Variants in CCDC102B observed in about 807,000 individuals in gnomAD.
The protein encoded by CCDC102B is coiled-coil domain-containing protein 102B.
CCDC102B carries 75 observed loss-of-function variants against 57.4 expected under a neutral mutation model. The ratio of observed to expected loss-of-function variants is 1.31; its 90% CI spans 1.08 to 1.58. The LOEUF is 1.58. Ranked by LOEUF, CCDC102B falls within the 40% of genes most tolerant of loss-of-function variation. The pLI, the probability that CCDC102B is intolerant of heterozygous loss-of-function variation, is 0.00. For synonymous variants in CCDC102B, 206 were observed against 201.9 expected (o/e 1.02, Z -0.17); for missense variants, 636 against 582.6 (o/e 1.09, Z -0.94).
At position 68,837,085 on chromosome 18, in the gene CCDC102B, A is replaced by G; in HGVS notation, c.322A>G (p.Lys108Glu). The G allele has an allele frequency of 6.2e-7, 1 of 1,614,202 alleles. No individual in the cohort carries two copies. Among genetic ancestry groups the G allele is most frequent in the Non-Finnish European group, 8.5e-7 (1 of 1,180,036 alleles). ...TGCCAACTGGAGAGAAAAATGGAGT[A>G]AAGTTCGAGCTGAAAGGAACAGTGC... ...CTANWREKWS[K>E]VRAERNSARE... Residue 108 changes from lysine (K) to glutamate (E), a missense_variant, in exon 2 of 8, where the codon AAA becomes GAA. Coordinates refer to ENST00000360242, the MANE Select transcript of CCDC102B (RefSeq NM_024781.3).
intron 3 of CCDC102B, among the ~76,000 whole-genome samples, chr18:68,844,887 T>C (rs1041359128): frequency 6.6e-6 from 1 of 151,930 alleles, no homozygotes; most frequent in Non-Finnish European, 1.5e-5. Context: ...ATTATAAACA[T>C]TCATATTCAG....
chr18:68,958,115 A>T (rs1356034102), intron 6 of CCDC102B, among the ~76,000 whole-genome samples: 1 of 152,138 alleles, frequency 6.6e-6, no homozygotes, highest in Non-Finnish European at 1.5e-5. Flanking sequence ...TTTTTAAACT[A>T]TCAGGTCTTG....
chr18:68,861,258 A>C (rs951127527), intron 4 of CCDC102B, among the ~76,000 whole-genome samples: 1 of 150,828 alleles, frequency 6.6e-6, no homozygotes, highest in Non-Finnish European at 1.5e-5. Flanking sequence ...TACCGTGCTT[A>C]TTTTATCACT....
At chr18:68,788,245 C>A (rs1001509055) in intron 2 of CCDC102B, among the ~76,000 whole-genome samples, 1 of 152,032 alleles carries the variant, frequency 6.6e-6, no homozygotes, top group Admixed American at 6.6e-5. Context: ...AGCTTTACTT[C>A]CAAGTATGTG....
chr18:68,897,322 A>C lies in CCDC102B; in HGVS notation c.1157A>C (p.Gln386Pro), dbSNP rs543874875. 3 of 1,613,154 alleles carry C rather than the reference A, an allele frequency of 1.9e-6. No individual in the cohort carries two copies. The Admixed American group carries it at 5.0e-5, about 27-fold the overall frequency. Residue 386 changes from glutamine to proline, a missense_variant, in exon 6 of 8, where the codon CAG becomes CCG. Gln to Pro is a moderately conservative substitution (Grantham distance 76). Coordinates refer to ENST00000360242, the MANE Select transcript of CCDC102B (RefSeq NM_024781.3). ...AGAGAAAATAGAAGGCTGAAGATCCAGGTGAAAGAAATGGAAGAGCTTTTG... is the reference window on the plus strand; with the variant it reads ...AGAGAAAATAGAAGGCTGAAGATCCCGGTGAAAGAAATGGAAGAGCTTTTG... ...LERENRRLKI[Q>P]VKEMEELLDK...
intron 3 of CCDC102B, among the ~76,000 whole-genome samples, chr18:68,845,489 A>C (rs1031849298): frequency 1.3e-5 from 2 of 151,834 alleles, no homozygotes; most frequent in Non-Finnish European, 3.0e-5. Context: ...TCATTGTCAA[A>C]TCCTAGAATT....
intron 6 of CCDC102B, among the ~76,000 whole-genome samples, chr18:68,916,150 A>G (rs200559546): frequency 6.6e-6 from 1 of 151,100 alleles, no homozygotes; most frequent in Non-Finnish European, 1.5e-5. Flanking sequence ...TAAGAGAATA[A>G]ATAGATAGAT....
intron 6 of CCDC102B, among the ~76,000 whole-genome samples, chr18:68,961,398 G>T (rs1327258616): frequency 2.6e-5 from 4 of 151,780 alleles, no homozygotes; most frequent in Admixed American, 2.6e-4. Context: ...CTAGATATAG[G>T]ATTATGACAA....
intron 4 of CCDC102B, among the ~76,000 whole-genome samples, chr18:68,860,475 C>CAAAAACAAAAAA (rs2038693691): frequency 1.9e-5 from 1 of 53,048 alleles, no homozygotes; most frequent in African/African-American, 4.9e-5. Flanking sequence ...AAAACAAAAA[C>CAAAAACAAAAAA]AAAAAAAAAA....
At chr18:69,044,542 T>C (rs953079187) in intron 7 of CCDC102B, among the ~76,000 whole-genome samples, 2 of 152,154 alleles carry the variant, frequency 1.3e-5, no homozygotes, top group African/African-American at 4.8e-5. Context: ...GAAAGACTGA[T>C]TGAAGGAAGA....
chr18:68,982,498 A>G (rs1301498457), intron 6 of CCDC102B, among the ~76,000 whole-genome samples: 2 of 151,856 alleles, frequency 1.3e-5, no homozygotes, highest in Admixed American at 1.3e-4. Context: ...TAGTTGTGAT[A>G]TTTTCTTCCC....
chr18:68,719,269 C>G (rs2032195204), intron 2 of CCDC102B, among the ~76,000 whole-genome samples: 1 of 152,076 alleles, frequency 6.6e-6, no homozygotes, highest in Non-Finnish European at 1.5e-5. Context: ...GAAAGAAAAC[C>G]AAAGGAAGCT....
chr18:68,927,730 G>A (rs2041523026), intron 6 of CCDC102B, among the ~76,000 whole-genome samples: 1 of 151,912 alleles, frequency 6.6e-6, no homozygotes, highest in South Asian at 2.1e-4. Context: ...CCAATGCACT[G>A]TGAAGTTCAT....
At chr18:68,807,645 A>T (rs1427763067) in intron 1 of CCDC102B, among the ~76,000 whole-genome samples, 2 of 152,110 alleles carry the variant, frequency 1.3e-5, no homozygotes. Flanking sequence ...AGAAATACAA[A>T]CACTGAGTAT....
intron 2 of CCDC102B, among the ~76,000 whole-genome samples, chr18:68,723,830 A>T (rs887163994): frequency 6.6e-6 from 1 of 152,038 alleles, no homozygotes; most frequent in African/African-American, 2.4e-5. Flanking sequence ...GGTGTGGAGG[A>T]TGGAGGCCCT....
At chr18:69,022,781 G>GT (rs2051881025) in intron 7 of CCDC102B, among the ~76,000 whole-genome samples, 1 of 152,008 alleles carries the variant, frequency 6.6e-6, no homozygotes, top group Non-Finnish European at 1.5e-5. Flanking sequence ...CATGTCCTTT[G>GT]TTTTGTGTGT....
chr18:68,857,199 ATAT>A (rs2038461925), intron 4 of CCDC102B, among the ~76,000 whole-genome samples: 1 of 59,074 alleles, frequency 1.7e-5, no homozygotes, highest in African/African-American at 9.8e-5. Context: ...ATATATTTTT[ATAT>A]AATATATAAA....
chr18:68,955,823 TA>T (rs751276976), intron 6 of CCDC102B, among the ~76,000 whole-genome samples: 1 of 152,072 alleles, frequency 6.6e-6, no homozygotes, highest in Non-Finnish European at 1.5e-5. Flanking sequence ...GTATGTGAGA[TA>T]TTTTGATACA....
intron 6 of CCDC102B, among the ~76,000 whole-genome samples, chr18:69,007,383 A>C (rs1439038891): frequency 6.6e-6 from 1 of 152,196 alleles, no homozygotes; most frequent in East Asian, 1.9e-4. Flanking sequence ...GTTGTCACTC[A>C]AGGCGCATAT....
Sources: allele counts gnomAD v4.1 joint callset (sites outside exome capture counted in the v4.1 genomes callset), GRCh38; gene constraint gnomAD v4.1.1; transcripts MANE v1.5; gene names NCBI Gene and HGNC (gene_info 2026-07-23, HGNC 2026-07-21).